KCNJ6: variants seen among roughly 807,000 people sequenced by gnomAD.
KCNJ6 encodes potassium inwardly rectifying channel subfamily J member 6, also known as G protein-activated inward rectifier potassium channel 2.
A neutral mutation model predicts 34.2 loss-of-function variants in KCNJ6; 9 were observed. That is an observed-to-expected ratio of 0.26 (90% confidence interval 0.16 to 0.46). The LOEUF (loss-of-function observed/expected upper bound fraction) is 0.46. Ranked by LOEUF, KCNJ6 falls within the 20% of genes least tolerant of loss-of-function variation. KCNJ6 has a pLI of 1.00. For synonymous variants in KCNJ6, 196 were observed against 207.1 expected, an observed-to-expected ratio of 0.95 and a Z score of 0.46; for missense variants, 236 against 531.3, an observed-to-expected ratio of 0.44 and a Z score of 5.46.
chr21:37,851,647 C>T (rs1054072945), intron 1 of KCNJ6, among the ~76,000 whole-genome samples: 1 of 152,060 alleles, frequency 6.6e-6, no homozygotes, highest in African/African-American at 2.4e-5. Flanking sequence ...TGAGGAACAC[C>T]GTCCTAATCT....
intron 1 of KCNJ6, among the ~76,000 whole-genome samples, chr21:37,873,040 G>A (rs2055660238): frequency 6.6e-6 from 1 of 152,116 alleles, no homozygotes; most frequent in Admixed American, 6.5e-5. Context: ...CCAGTCTCAG[G>A]TATTTCTTCA....
chr21:37,889,966 T>G (rs1269059528), intron 1 of KCNJ6, among the ~76,000 whole-genome samples: 1 of 152,224 alleles, frequency 6.6e-6, no homozygotes, highest in Admixed American at 6.5e-5. Context: ...ACAATTCAAC[T>G]CAGTGAGCTA....
At chr21:37,860,884 GT>G (rs58785855) in intron 1 of KCNJ6, among the ~76,000 whole-genome samples, 50,062 of 151,532 alleles carry the variant, frequency 0.33, 9,029 homozygotes, top group African/African-American at 0.48. Flanking sequence ...GTGTATGTGG[GT>G]AGACAGTATA....
chr21:37,743,787 C>T (rs1360271752), intron 2 of KCNJ6, among the ~76,000 whole-genome samples: 2 of 151,844 alleles, frequency 1.3e-5, no homozygotes, highest in Non-Finnish European at 2.9e-5. Flanking sequence ...TATGACAGTA[C>T]TAGACAGAGA....
intron 1 of KCNJ6, among the ~76,000 whole-genome samples, chr21:37,868,028 G>A (rs2055631746): frequency 6.6e-6 from 1 of 152,274 alleles, no homozygotes; most frequent in East Asian, 1.9e-4. Flanking sequence ...GCAGGAATGG[G>A]GACCATCTTT....
Position 37,607,482 on chromosome 21 carries a change from A to ATATATATTTTTTTT in KCNJ6, c.*17676_*17677insAAAAAAAATATATA. ...CTTAAAGATATATATATATATATAT[A>ATATATATTTTTTTT]TTTTTTTTTTATTTTAAAAAAATTT... On this transcript the variant is annotated 3_prime_UTR_variant, in exon 4 of 4. Coordinates refer to ENST00000609713, the MANE Select transcript of KCNJ6 (RefSeq NM_002240.5). 2.9e-5 allele frequency: 4 copies of ATATATATTTTTTTT among 136,764 alleles called. No individual in the cohort carries two copies. Among genetic ancestry groups the ATATATATTTTTTTT allele is most frequent in the East Asian group, 4.6e-4 (2 of 4,382 alleles). The allele number at this position is 136,764 out of a possible 1,614,324, so 8.5% of individuals were successfully genotyped here. A position where few individuals can be genotyped will look rare whatever the true frequency, so the allele number is the denominator to read the frequency against.
chr21:37,725,628 G>T (rs1206790766), intron 2 of KCNJ6, among the ~76,000 whole-genome samples: 2 of 152,196 alleles, frequency 1.3e-5, no homozygotes, highest in African/African-American at 4.8e-5. Context: ...ATTTAGAAAT[G>T]AAAATTCACC....
chr21:37,692,002 C>T (rs1420831769), intron 3 of KCNJ6, among the ~76,000 whole-genome samples: 1 of 152,136 alleles, frequency 6.6e-6, no homozygotes, highest in Non-Finnish European at 1.5e-5. Context: ...GATGTCGTGG[C>T]ATTCCAGCAC....
intron 2 of KCNJ6, among the ~76,000 whole-genome samples, chr21:37,834,189 C>T (rs2055440603): frequency 6.6e-6 from 1 of 152,230 alleles, no homozygotes; most frequent in South Asian, 2.1e-4. Flanking sequence ...TTCTTTGAAA[C>T]CTTCAGCACT....
intron 1 of KCNJ6, among the ~76,000 whole-genome samples, chr21:37,860,890 A>C (rs1286624438): frequency 2.8e-5 from 2 of 70,672 alleles, no homozygotes; most frequent in African/African-American, 1.8e-4. Flanking sequence ...GTGGGTAGAC[A>C]GTATAATCTG....
chr21:37,696,588 C>T (rs1354221111), intron 3 of KCNJ6, among the ~76,000 whole-genome samples: 1 of 151,990 alleles, frequency 6.6e-6, no homozygotes, highest in Non-Finnish European at 1.5e-5. Flanking sequence ...CAACAAAGTA[C>T]GACCTGGGAT....
chr21:37,894,909 T>G (rs974315903), intron 1 of KCNJ6, among the ~76,000 whole-genome samples: 6 of 152,200 alleles, frequency 3.9e-5, no homozygotes, highest in Non-Finnish European at 5.9e-5. Context: ...TCCACTTTAT[T>G]TTAAAATTAT....
At chr21:37,828,503 T>C (rs1235615127) in intron 2 of KCNJ6, among the ~76,000 whole-genome samples, 1 of 152,130 alleles carries the variant, frequency 6.6e-6, no homozygotes, top group Non-Finnish European at 1.5e-5. Flanking sequence ...TGGGGGGTGA[T>C]GGATTCTTGA....
intron 2 of KCNJ6, among the ~76,000 whole-genome samples, chr21:37,760,439 G>A (rs1221281901): frequency 1.3e-5 from 2 of 152,152 alleles, no homozygotes; most frequent in Non-Finnish European, 2.9e-5. Flanking sequence ...CTCCAAACAA[G>A]GCACCATCTC....
chr21:37,889,725 T>C (rs546670142), intron 1 of KCNJ6, among the ~76,000 whole-genome samples: 1 of 152,316 alleles, frequency 6.6e-6, no homozygotes, highest in South Asian at 2.1e-4. Context: ...TTGGCATTCC[T>C]TGATGTGTCT....
At chr21:37,704,972 C>CT (rs1390343481) in intron 3 of KCNJ6, among the ~76,000 whole-genome samples, 3 of 152,070 alleles carry the variant, frequency 2.0e-5, no homozygotes, top group Non-Finnish European at 2.9e-5. Context: ...GCACAGTCAC[C>CT]TGATAACACT....
Position 37,617,481 on chromosome 21 carries a change from A to G in KCNJ6, c.*7678T>C, listed in dbSNP as rs1363243958. 5 of 152,242 alleles carry G rather than the reference A, an allele frequency of 3.3e-5. No homozygotes were observed. 9.4% of individuals were successfully genotyped at this position (152,242 alleles called of 1,614,324 possible). ...GGTGATCTGCCACCTTGGCCTCCCA[A>G]AGTGCTGAGATTACAGGTGTGAGCC... On this transcript the variant is annotated 3_prime_UTR_variant, in exon 4 of 4. Coordinates refer to ENST00000609713, the MANE Select transcript of KCNJ6 (RefSeq NM_002240.5).
rs187587204 is a variant in KCNJ6, at chr21:37,778,088, C to T, written c.25+62570G>A. On this transcript the variant is annotated intron_variant, in intron 2 of 3. Transcript: ENST00000609713. Reference sequence around the variant, plus strand: ...AAAAACATGACCTGAAGCGTTCAGGCATTCTGCTTTTTTTCCATGCTAGAA... The same window carrying T: ...AAAAACATGACCTGAAGCGTTCAGGTATTCTGCTTTTTTTCCATGCTAGAA... Among the ~76,000 whole-genome samples, 98 of 152,274 alleles carry T rather than the reference C, an allele frequency of 6.4e-4. 1 individual carries two copies. The highest frequency in any genetic ancestry group is 2.2e-3 in the African/African-American group (90 of 41,558).
Position 37,734,270 on chromosome 21 carries a change from T to C in KCNJ6, c.26-19139A>G, listed in dbSNP as rs2054901424. Among the ~76,000 whole-genome samples, 10 of 152,212 alleles carry C rather than the reference T, an allele frequency of 6.6e-5. No individual in the cohort carries two copies. In the South Asian group the frequency reaches 2.1e-3, roughly 32 times the overall value. ...TTTCCTGGTAGGGGTGGCTTGAAGA[T>C]GCTCCCACGGGGGAGGAATTGAGGG... On this transcript the variant is annotated intron_variant, in intron 2 of 3. Coordinates refer to ENST00000609713, the MANE Select transcript of KCNJ6 (RefSeq NM_002240.5).
Sources: gnomAD v4.1 joint callset for allele counts (sites outside exome capture counted in the v4.1 genomes callset) on GRCh38, gnomAD v4.1.1 for gene constraint, MANE v1.5 for transcripts, NCBI Gene and HGNC (gene_info 2026-07-23, HGNC 2026-07-21) for gene names.